DGKH: variants seen among roughly 807,000 people sequenced by gnomAD.
DGKH encodes the protein DAG kinase eta.
In DGKH, 90 loss-of-function variants were observed where a neutral mutation model predicts 159.3. That is an observed-to-expected ratio of 0.57 (90% confidence interval 0.48 to 0.67). The LOEUF (loss-of-function observed/expected upper bound fraction) is 0.67. Ranked by LOEUF, DGKH falls within the 30% of genes least tolerant of loss-of-function variation. The pLI, the probability that DGKH is intolerant of heterozygous loss-of-function variation, is 0.00. For synonymous variants in DGKH, 536 were observed against 553.8 expected (o/e 0.97, Z 0.45); for missense variants, 1,181 against 1,506.1 (o/e 0.78, Z 3.57).
intron 11 of DGKH, among the ~76,000 whole-genome samples, chr13:42,170,715 G>A (rs1956432191): frequency 6.6e-6 from 1 of 152,148 alleles, no homozygotes; most frequent in Non-Finnish European, 1.5e-5. Flanking sequence ...GGCCCAGGTG[G>A]GCGAATTACC....
chr13:42,087,933 A>G (rs1206518360), intron 1 of DGKH, among the ~76,000 whole-genome samples: 2 of 152,176 alleles, frequency 1.3e-5, no homozygotes, highest in Non-Finnish European at 2.9e-5. Flanking sequence ...AGCTTCAATC[A>G]GAAGAATCAT....
chr13:42,188,273 T>C (rs1956977295), intron 14 of DGKH, among the ~76,000 whole-genome samples: 1 of 152,146 alleles, frequency 6.6e-6, no homozygotes, highest in Non-Finnish European at 1.5e-5. Context: ...AAAAGTATAT[T>C]GGGGGGTAGC....
chr13:42,205,278 A>G (rs1184157907), intron 20 of DGKH, among the ~76,000 whole-genome samples: 1 of 152,166 alleles, frequency 6.6e-6, no homozygotes, highest in Non-Finnish European at 1.5e-5. Context: ...GTAATTTTTA[A>G]AAAATTAGTT....
intron 1 of DGKH, among the ~76,000 whole-genome samples, chr13:42,118,266 A>G (rs926944487): frequency 5.3e-5 from 8 of 152,006 alleles, no homozygotes; most frequent in Non-Finnish European, 1.2e-4. Flanking sequence ...CATTGATACC[A>G]TTTCCCCTCA....
intron 3 of DGKH, among the ~76,000 whole-genome samples, chr13:42,144,310 C>T (rs1242593544): frequency 2.0e-5 from 3 of 152,228 alleles, no homozygotes; most frequent in Non-Finnish European, 4.4e-5. Context: ...CCCTATGCCT[C>T]GTGAACAACC....
chr13:42,245,077 A>T (rs1247935344), downstream of DGKH, among the ~76,000 whole-genome samples: 1 of 152,098 alleles, frequency 6.6e-6, no homozygotes, highest in East Asian at 1.9e-4. Flanking sequence ...GTGGGAAATG[A>T]AGTTGGACTT....
intron 20 of DGKH, among the ~76,000 whole-genome samples, chr13:42,204,875 C>T (rs1957425903): frequency 6.6e-6 from 1 of 152,114 alleles, no homozygotes; most frequent in Non-Finnish European, 1.5e-5. Flanking sequence ...CCATCCTAGA[C>T]CAGTAGGACT....
chr13:42,196,412 G>C (rs1450381224), intron 17 of DGKH, among the ~76,000 whole-genome samples: 1 of 152,110 alleles, frequency 6.6e-6, no homozygotes. Flanking sequence ...TCCATCAGTT[G>C]AATGGAAGAA....
intron 1 of DGKH, among the ~76,000 whole-genome samples, chr13:42,099,436 A>T (rs1208083005): frequency 6.6e-6 from 1 of 152,150 alleles, no homozygotes; most frequent in Non-Finnish European, 1.5e-5. Flanking sequence ...GTGTGCTAGG[A>T]AAGTGTTCAC....
intron 29 of DGKH, among the ~76,000 whole-genome samples, chr13:42,228,614 G>C (rs2138281685): frequency 1.3e-5 from 2 of 151,152 alleles, no homozygotes; most frequent in Middle Eastern, 3.4e-3. Context: ...GAGAGAGAGA[G>C]AGAGAGGGAG....
rs1958517545 is a variant in DGKH, at chr13:42,241,727, G to C, written c.*12539G>C. 1 of 152,180 alleles carries C rather than the reference G, an allele frequency of 6.6e-6. No individual in the cohort carries two copies. The highest frequency in any genetic ancestry group is 1.5e-5 in the Non-Finnish European group (1 of 68,034). The allele number at this position is 152,180 out of a possible 1,614,324, so 9.4% of individuals were successfully genotyped here. On this transcript the variant is annotated 3_prime_UTR_variant, in exon 30 of 30. Coordinates refer to ENST00000337343, the MANE Select transcript of DGKH (RefSeq NM_178009.5). ...GCGTTGATGTTTCCTTGATTATTTT[G>C]AATGAGGAGTAGGCGGTAATATTTA...
upstream of DGKH, among the ~76,000 whole-genome samples, chr13:42,045,665 T>C (rs1445148530): frequency 6.6e-6 from 1 of 152,266 alleles, no homozygotes; most frequent in Non-Finnish European, 1.5e-5. Flanking sequence ...AGCTTCTCAA[T>C]GCCTGTACTT....
chr13:42,249,670 A>C (rs1213136708), intron 29 of DGKH, among the ~76,000 whole-genome samples: 1 of 152,212 alleles, frequency 6.6e-6, no homozygotes, highest in African/African-American at 2.4e-5. Flanking sequence ...TTATTTACAA[A>C]AACAGATGTT....
At chr13:42,121,014 G>A (rs1361966142) in intron 1 of DGKH, among the ~76,000 whole-genome samples, 1 of 150,758 alleles carries the variant, frequency 6.6e-6, no homozygotes, top group Non-Finnish European at 1.5e-5. Flanking sequence ...TTTATGAACT[G>A]GTTGTTTGGA....
At chr13:42,246,426 A>G (rs1003545434), downstream of DGKH, among the ~76,000 whole-genome samples, 1 of 152,060 alleles carries the variant, frequency 6.6e-6, no homozygotes, top group Non-Finnish European at 1.5e-5. Flanking sequence ...ATCTCTATTA[A>G]AAAAAAGAGA....
intron 13 of DGKH, 97 bp from the exon 14 acceptor site, chr13:42,186,952 C>A: frequency 2.0e-6 from 2 of 1,015,368 alleles, no homozygotes; most frequent in Non-Finnish European, 3.0e-6. Flanking sequence ...AGATATTTGA[C>A]AGTTTGCTTA....
intron 21 of DGKH, among the ~76,000 whole-genome samples, chr13:42,207,427 G>A (rs1957534188): frequency 1.3e-5 from 2 of 151,398 alleles, no homozygotes; most frequent in Non-Finnish European, 2.9e-5. Context: ...CTGACCTCAG[G>A]TGATCCACCC....
At chr13:42,079,654 C>G (rs973531909) in intron 1 of DGKH, among the ~76,000 whole-genome samples, 2 of 152,150 alleles carry the variant, frequency 1.3e-5, no homozygotes, top group Non-Finnish European at 2.9e-5. Flanking sequence ...TTCTCACTCA[C>G]GGAGTTCATC....
chr13:42,137,314 A>G (rs1955421469), intron 3 of DGKH, among the ~76,000 whole-genome samples: 1 of 152,232 alleles, frequency 6.6e-6, no homozygotes, highest in African/African-American at 2.4e-5. Context: ...TAAGTTGCCT[A>G]CCTTATTTGA....
Sources: allele counts gnomAD v4.1 joint callset (sites outside exome capture counted in the v4.1 genomes callset), GRCh38; gene constraint gnomAD v4.1.1; transcripts MANE v1.5; gene names NCBI Gene and HGNC (gene_info 2026-07-23, HGNC 2026-07-21).